Variants in GMDS observed in about 807,000 individuals in gnomAD.
GMDS encodes GDP-mannose 4,6-dehydratase, also known as GDP-mannose 4,6 dehydratase.
A neutral mutation model predicts 49.9 loss-of-function variants in GMDS; 20 were observed. The ratio of observed to expected loss-of-function variants is 0.40; its 90% CI spans 0.28 to 0.58. The LOEUF is 0.58. Ranked by LOEUF, GMDS falls within the 20% of genes least tolerant of loss-of-function variation. GMDS has a pLI of 0.42. For missense variants in GMDS, 362 were observed against 481.4 expected, an observed-to-expected ratio of 0.75 and a Z score of 2.32; for synonymous variants, 177 against 178.6, an observed-to-expected ratio of 0.99 and a Z score of 0.07.
chr6:1,837,354 A>C (rs1337098839), intron 7 of GMDS, among the ~76,000 whole-genome samples: 1 of 152,222 alleles, frequency 6.6e-6, no homozygotes, highest in Non-Finnish European at 1.5e-5. Flanking sequence ...GTAAGTTAAC[A>C]TAAAATTACA....
At chr6:1,752,315 G>A (rs1292808043) in intron 7 of GMDS, among the ~76,000 whole-genome samples, 2 of 152,130 alleles carry the variant, frequency 1.3e-5, no homozygotes, top group East Asian at 1.9e-4. Flanking sequence ...ATGAAATAAA[G>A]CATGAAGACA....
rs746267009 is a variant in GMDS at position 1,766,372 on chromosome 6, C to T, written c.772-23786G>A. On this transcript the variant is annotated intron_variant, in intron 7 of 10. Transcript: ENST00000380815. This position sits in a 1 kb window ranked among gnomAD's most constrained non-coding sequence, Gnocchi z 4.5. ...TTTCAGGTGCTGGGGAAAGGCTCTG[C>T]GTTAGAACCCACACCTTCCGTCTCC... is the stretch of plus-strand genomic sequence containing the variant. Among the ~76,000 whole-genome samples the T allele has an allele frequency of 2.0e-5, 3 of 152,104 alleles. No homozygotes were observed. Among genetic ancestry groups the T allele is most frequent in the East Asian group, 1.9e-4 (1 of 5,182 alleles).
At chr6:1,967,139 C>T (rs551380946) in intron 4 of GMDS, among the ~76,000 whole-genome samples, 5 of 152,198 alleles carry the variant, frequency 3.3e-5, no homozygotes, top group Non-Finnish European at 5.9e-5. Flanking sequence ...CTGCCTCCCT[C>T]GCTAAAAACA....
chr6:1,643,437 G>C (rs1049937119), intron 9 of GMDS, among the ~76,000 whole-genome samples: 5 of 152,214 alleles, frequency 3.3e-5, no homozygotes, highest in Non-Finnish European at 7.3e-5. Flanking sequence ...GGCTGTCAAG[G>C]TGCTCATGCC....
intron 1 of GMDS, among the ~76,000 whole-genome samples, chr6:2,211,493 CTAAT>C (rs1427995268): frequency 6.6e-6 from 1 of 152,072 alleles, no homozygotes; most frequent in Non-Finnish European, 1.5e-5. Context: ...TTAGATAAGA[CTAAT>C]TAATAGTAAC....
In GMDS at chr6:1,944,766, C is replaced by G. The variant is rs2476464; in HGVS notation, c.644-14536G>C. Among the ~76,000 whole-genome samples the G allele has an allele frequency of 6.3e-3, 949 of 150,856 alleles. 8 individuals are homozygous for G. Among genetic ancestry groups the G allele is most frequent in the African/African-American group, 0.022 (889 of 41,014 alleles). ...ACCCAGCATAAAGACTGCAAAGTAA[C>G]GAAATCTTCAAAAGACCTTTGATTC... On this transcript the variant is annotated intron_variant, in intron 6 of 10. Coordinates refer to ENST00000380815, the MANE Select transcript of GMDS (RefSeq NM_001500.4).
chr6:1,683,548 G>A lies in GMDS; in HGVS notation c.987+42868C>T, dbSNP rs141128471. ...GAGGGCCAGGAATCCCGGGTCTGAT[G>A]CACCATCTTCTCCCACCTTTAGCAA... On this transcript the variant is annotated intron_variant, in intron 9 of 10. Transcript: ENST00000380815. Among the ~76,000 whole-genome samples the A allele has an allele frequency of 3.0e-3, 455 of 152,314 alleles. 2 individuals are homozygous for A. Among genetic ancestry groups the A allele is most frequent in the African/African-American group, 0.01 (430 of 41,566 alleles).
chr6:1,670,960 GT>G (rs1262104335), intron 9 of GMDS, among the ~76,000 whole-genome samples: 2 of 152,308 alleles, frequency 1.3e-5, no homozygotes, highest in East Asian at 3.9e-4. Context: ...TTTGCTCAGA[GT>G]TTTGCTGTCA....
intron 7 of GMDS, among the ~76,000 whole-genome samples, chr6:1,794,420 G>A (rs557576191): frequency 6.6e-6 from 1 of 151,870 alleles, no homozygotes; most frequent in Non-Finnish European, 1.5e-5. Context: ...AAAAATCACA[G>A]GGAAAGGAAA....
chr6:2,000,256 C>G (rs1029523988), intron 4 of GMDS, among the ~76,000 whole-genome samples: 4 of 150,044 alleles, frequency 2.7e-5, no homozygotes, highest in African/African-American at 9.8e-5. Flanking sequence ...AGGATGGTCT[C>G]CATCTCCTGA....
chr6:2,101,591 C>T (rs1413777260), intron 4 of GMDS, among the ~76,000 whole-genome samples: 1 of 151,946 alleles, frequency 6.6e-6, no homozygotes, highest in Non-Finnish European at 1.5e-5. Context: ...TCAAATCTAT[C>T]TGAAACCATT....
intron 1 of GMDS, among the ~76,000 whole-genome samples, chr6:2,142,168 G>GA (rs1776331201): frequency 6.6e-6 from 1 of 151,892 alleles, no homozygotes; most frequent in Admixed American, 6.6e-5. Flanking sequence ...GGCCATAAGA[G>GA]AAAAAAGAGC....
intron 7 of GMDS, among the ~76,000 whole-genome samples, chr6:1,888,134 A>ATTATT (rs1554130177): frequency 1.1e-4 from 16 of 140,530 alleles, no homozygotes; most frequent in Admixed American, 2.2e-4. Context: ...TATTATTATT[A>ATTATT]TTTTTTTTTT....
chr6:1,893,196 T>TTC (rs1561869489), intron 7 of GMDS, among the ~76,000 whole-genome samples: 1 of 147,170 alleles, frequency 6.8e-6, no homozygotes, highest in Non-Finnish European at 1.5e-5. Context: ...TTGTTTTCTT[T>TTC]TTTTTTTTTT....
At position 2,193,948 on chromosome 6, in the gene GMDS, C is replaced by A. The variant is rs146070888; in HGVS notation, c.102+51373G>T. Among the ~76,000 whole-genome samples the A allele has an allele frequency of 5.6e-3, 859 of 152,076 alleles. 2 individuals carry two copies. Among genetic ancestry groups the A allele is most frequent in the Middle Eastern group, 0.017 (5 of 294 alleles). On this transcript the variant is annotated intron_variant, in intron 1 of 10. Transcript: ENST00000380815. ...CCATGTTAGCCAGGATGGTCTCCAT[C>A]TCCTGACCTCATGATCCACCCGCTC...
intron 4 of GMDS, among the ~76,000 whole-genome samples, chr6:1,987,183 G>A (rs1718059172): frequency 6.6e-6 from 1 of 152,086 alleles, no homozygotes; most frequent in South Asian, 2.1e-4. Context: ...TTAGTATGAA[G>A]ATGTAAAAAG....
At chr6:1,733,426 T>A (rs1033807208) in intron 8 of GMDS, among the ~76,000 whole-genome samples, 2 of 152,162 alleles carry the variant, frequency 1.3e-5, no homozygotes, top group Non-Finnish European at 2.9e-5. Flanking sequence ...GGCTCCTTGA[T>A]GCCTTTTGGC....
At chr6:2,084,578 C>G (rs1312475969) in intron 4 of GMDS, among the ~76,000 whole-genome samples, 1 of 152,076 alleles carries the variant, frequency 6.6e-6, no homozygotes, top group Non-Finnish European at 1.5e-5. Flanking sequence ...GCGATCTTGA[C>G]TCACTGCAAG....
rs181677159 is a variant in GMDS at position 1,727,883 on chromosome 6, C to T, written c.891-1371G>A. On this transcript the variant is annotated intron_variant, in intron 8 of 10. Transcript: ENST00000380815. ...ATAGCGCAGTATGTTGAATAATATA[C>T]AGCTGTACAACTGGTCATTTCCCCA... Among the ~76,000 whole-genome samples, 139 of 152,300 alleles carry T rather than the reference C, an allele frequency of 9.1e-4. 1 individual carries two copies. Among genetic ancestry groups the T allele is most frequent in the Admixed American group, 9.0e-3 (138 of 15,302 alleles).
Sources: gnomAD v4.1 joint callset for allele counts (sites outside exome capture counted in the v4.1 genomes callset) on GRCh38, gnomAD v4.1.1 for gene constraint, Gnocchi (gnomAD v3.1) non-coding constraint, MANE v1.5 for transcripts, NCBI Gene and HGNC (gene_info 2026-07-23, HGNC 2026-07-21) for gene names.